Variants in DOCK6 observed in about 807,000 individuals in gnomAD.
The protein encoded by DOCK6 is dedicator of cytokinesis 6.
DOCK6 carries 167 observed loss-of-function variants against 230.3 expected under a neutral mutation model. That is an observed-to-expected ratio of 0.73 (90% CI 0.64 to 0.82). DOCK6 has a LOEUF of 0.82. Ranked by LOEUF, DOCK6 falls within the 40% of genes least tolerant of loss-of-function variation. The pLI, the probability that DOCK6 is intolerant of heterozygous loss-of-function variation, is 0.00. For synonymous variants in DOCK6, 1,148 were observed against 1,185.0 expected (o/e 0.97, Z 0.64); for missense variants, 2,598 against 2,825.8 (o/e 0.92, Z 1.83).
chr19:11,236,725 G>C lies in DOCK6; in HGVS notation c.2160+68C>G. On this transcript the variant is annotated intron_variant, in intron 19 of 47. Coordinates refer to ENST00000294618, the MANE Select transcript of DOCK6 (RefSeq NM_020812.4). This position sits in a 1 kb window ranked among gnomAD's most constrained non-coding sequence, Gnocchi z 5.2. ...CAGACCTCCCCGGCCATCGGCAACTGTTACTCAATCGTAGGGCAGGCAAGA... is the reference window on the plus strand; with the variant it reads ...CAGACCTCCCCGGCCATCGGCAACTCTTACTCAATCGTAGGGCAGGCAAGA... The C allele has an allele frequency of 1.3e-6, 2 of 1,538,968 alleles. No homozygotes were observed. The highest frequency in any genetic ancestry group is 4.9e-5 in the East Asian group (2 of 40,686).
rs377433826 is a variant in DOCK6, at chr19:11,252,568, C to G, written c.309-18G>C. On this transcript the variant is annotated intron_variant, in intron 3 of 47. Coordinates refer to ENST00000294618, the MANE Select transcript of DOCK6 (RefSeq NM_020812.4). ...CCAGTTTTCTGCAGCAAAAGAAGAT[C>G]AGGGTAAACAGAGACAAGGCCTCTG... 9 of 1,613,746 alleles carry G rather than the reference C, an allele frequency of 5.6e-6. No homozygotes were observed. The African/African-American group carries it at 1.2e-4, about 22-fold the overall frequency.
chr19:11,216,851 G>T, intron 30 of DOCK6, 63 bp downstream of exon 30: 1 of 1,556,154 alleles, frequency 6.4e-7, no homozygotes, highest in Non-Finnish European at 8.9e-7. Flanking sequence ...CCCGCAGCAC[G>T]CTGGGTCCCT....
chr19:11,253,948 G>C, intron 1 of DOCK6: 1 of 451,154 alleles, frequency 2.2e-6, no homozygotes, highest in Non-Finnish European at 3.9e-6. Flanking sequence ...CACCAGTGGG[G>C]TCTGAAGCCA....
chr19:11,227,947 G>A (rs1361140444), intron 23 of DOCK6, among the ~76,000 whole-genome samples: 1 of 151,980 alleles, frequency 6.6e-6, no homozygotes, highest in African/African-American at 2.4e-5. Flanking sequence ...CTGGGAAGGA[G>A]GCTTCAAATA....
In DOCK6 at chr19:11,217,306, G is replaced by A. The variant is rs1369840040; in HGVS notation, c.3636C>T (p.Pro1212=). 3 of 1,613,228 alleles carry A rather than the reference G, an allele frequency of 1.9e-6. No homozygotes were observed. Among genetic ancestry groups the A allele is most frequent in the Non-Finnish European group, 1.7e-6 (2 of 1,179,738 alleles). Residue 1212 remains proline, a synonymous_variant, in exon 29 of 48, where the codon CCC becomes CCT. Coordinates refer to ENST00000294618, the MANE Select transcript of DOCK6 (RefSeq NM_020812.4). Reference sequence around the variant, plus strand: ...CACCAGCAATGGCCATGGCCACAGAGGGGTTGATGGTACCCGCAATGTCCC... The same window carrying A: ...CACCAGCAATGGCCATGGCCACAGAAGGGTTGATGGTACCCGCAATGTCCC... ...GEGDIAGTIN[P]SVAMAIAGGP... is the part of the protein sequence containing the mutation.
chr19:11,213,348 C>A lies in DOCK6; in HGVS notation c.4339-20G>T, dbSNP rs1014962495. The A allele has an allele frequency of 1.2e-6, 2 of 1,605,464 alleles. No homozygotes were observed. The highest frequency in any genetic ancestry group is 2.7e-5 in the African/African-American group (2 of 74,762). ...CGGGAACTGCCCCCAAGGACCCAGA[C>A]AGACACTGTCCAGCCCCTCCCCGTT... On this transcript the variant is annotated intron_variant, in intron 34 of 47. Transcript: ENST00000294618.
At position 11,223,053 on chromosome 19, in the gene DOCK6, G is replaced by GT. The variant is rs1219638827; in HGVS notation, c.3008dup (p.Asp1003GlufsTer31). ...AGCCCCGGTCCACCAGGGACAGAAGGTCACTGAGGAAGAAAGCCAGGCTGG... is the reference window on the plus strand; with the variant it reads ...AGCCCCGGTCCACCAGGGACAGAAGGTTCACTGAGGAAGAAAGCCAGGCTGG... On this transcript the variant is annotated frameshift_variant, in exon 25 of 48. Coordinates refer to ENST00000294618, the MANE Select transcript of DOCK6 (RefSeq NM_020812.4). LOFTEE classifies it high-confidence loss of function. The GT allele has an allele frequency of 6.2e-7, 1 of 1,613,782 alleles. No homozygotes were observed. The highest frequency in any genetic ancestry group is 8.5e-7 in the Non-Finnish European group (1 of 1,179,870).
rs768456287 is a variant in DOCK6 at position 11,233,230 on chromosome 19, G to A, written c.2691C>T (p.Asp897=). The A allele has an allele frequency of 1.5e-5, 25 of 1,613,566 alleles. No individual in the cohort carries two copies. The highest frequency in any genetic ancestry group is 9.9e-5 in the South Asian group (9 of 91,064). Residue 897 remains aspartate (D), a synonymous_variant, in exon 22 of 48, where the codon GAC becomes GAT. Transcript: ENST00000294618. ...DLAVAPGSVD[D]EVSRILASKL... ...TGCTGGCCAGGATGCGGGAAACCTC[G>A]TCATCCACAGAGCCAGGGGCCACGG...
Position 11,200,881 on chromosome 19 carries a change from G to T in DOCK6, c.5832+28C>A. The stretch of plus-strand genomic sequence containing the variant: ...CATGGCACCTGGAGTCCCCCGTGCG[G>T]CTTGCATCCCCCTTCCACCAGCCGT... On this transcript the variant is annotated intron_variant, in intron 45 of 47. Transcript: ENST00000294618. This position sits in a 1 kb window ranked among gnomAD's most constrained non-coding sequence, Gnocchi z 4.3. 6.2e-7 allele frequency: 1 copy of T among 1,613,806 alleles called. No individual in the cohort carries two copies. Among genetic ancestry groups the T allele is most frequent in the Non-Finnish European group, 8.5e-7 (1 of 1,179,834 alleles).
chr19:11,216,944 C>T lies in DOCK6; in HGVS notation c.3864G>A (p.Leu1288=), dbSNP rs2079498594. Residue 1288 remains leucine (L), a synonymous_variant, in exon 30 of 48, where the codon CTG becomes CTA. Coordinates refer to ENST00000294618, the MANE Select transcript of DOCK6 (RefSeq NM_020812.4). ...LPQLGRLLDL[L]YLCLAAFEYK... is the part of the protein sequence containing the mutation. ...ACTCAAAGGCAGCTAGGCAAAGGTA[C>T]AGCAAATCCAACAGACGTCCCAGCT... The T allele has an allele frequency of 1.9e-6, 3 of 1,613,626 alleles. No homozygotes were observed. In the Admixed American group the frequency reaches 5.0e-5, roughly 27 times the overall value.
intron 39 of DOCK6, among the ~76,000 whole-genome samples, chr19:11,205,548 T>C (rs1318373073): frequency 1.3e-5 from 2 of 152,202 alleles, no homozygotes; most frequent in Non-Finnish European, 2.9e-5. Flanking sequence ...TTTCACCATA[T>C]TGGCCAGGCT....
intron 21 of DOCK6, among the ~76,000 whole-genome samples, chr19:11,235,378 G>C (rs2079829554): frequency 6.6e-6 from 1 of 152,102 alleles, no homozygotes; most frequent in African/African-American, 2.4e-5. Context: ...CTAAAGTGCT[G>C]GGATTATAGG....
intron 24 of DOCK6, among the ~76,000 whole-genome samples, chr19:11,226,706 T>G (rs774521334): frequency 6.6e-6 from 1 of 152,186 alleles, no homozygotes; most frequent in Non-Finnish European, 1.5e-5. Flanking sequence ...ATAAAATGCT[T>G]AGATATACAG....
chr19:11,205,333 C>T (rs536242381), intron 39 of DOCK6, among the ~76,000 whole-genome samples: 4 of 152,154 alleles, frequency 2.6e-5, no homozygotes, highest in Admixed American at 1.3e-4. Context: ...TTAGATACTT[C>T]TTCTAATGCT....
In DOCK6 at chr19:11,243,034, C is replaced by T. The variant is rs2079970865; in HGVS notation, c.1480+25G>A. ...GAGTGGCTGAGTGAGAGTGATACTTCTTGTGTATGGGGTGTGCCACGCACC... is the reference window on the plus strand; with the variant it reads ...GAGTGGCTGAGTGAGAGTGATACTTTTTGTGTATGGGGTGTGCCACGCACC... On this transcript the variant is annotated intron_variant, in intron 13 of 47. Transcript: ENST00000294618. The surrounding 1 kb of genome is among the most constrained non-coding windows in gnomAD (Gnocchi z 6.3). The T allele has an allele frequency of 2.5e-6, 4 of 1,613,114 alleles. No homozygotes were observed. The East Asian group carries it at 8.9e-5, about 36-fold the overall frequency.
At position 11,199,553 on chromosome 19, in the gene DOCK6, G is replaced by A. The variant is rs1200887335; in HGVS notation, c.6102-14C>T. Reference sequence around the variant, plus strand: ...TTCAAGGAGTTCCTGGAAAAAGAATGAGGGTGGGTCAGCATGGCCATGGGG... The same window carrying A: ...TTCAAGGAGTTCCTGGAAAAAGAATAAGGGTGGGTCAGCATGGCCATGGGG... On this transcript the variant is annotated splice_polypyrimidine_tract_variant and intron_variant, in intron 47 of 47. Coordinates refer to ENST00000294618, the MANE Select transcript of DOCK6 (RefSeq NM_020812.4). The A allele has an allele frequency of 4.5e-6, 7 of 1,572,296 alleles. No homozygotes were observed. Among genetic ancestry groups the A allele is most frequent in the East Asian group, 2.3e-5 (1 of 42,778 alleles).
chr19:11,202,112 A>T lies in DOCK6; in HGVS notation c.5465T>A (p.Ile1822Asn), dbSNP rs2079179590. Residue 1822 changes from isoleucine to asparagine, a missense_variant, in exon 44 of 48, where the codon ATC becomes AAC. By Grantham distance (149) the Ile-to-Asn change is moderately radical. Coordinates refer to ENST00000294618, the MANE Select transcript of DOCK6 (RefSeq NM_020812.4). This position sits in a 1 kb window ranked among gnomAD's most constrained non-coding sequence, Gnocchi z 5.3. ...ATCAAAGTACGGTTCCACATACGTG[A>T]TCTGGATGTAGGCCTGGGCGCAGGG... ...KLDSQKAYIQ[I>N]TYVEPYFDTY... 6.2e-7 allele frequency: 1 copy of T among 1,613,902 alleles called. No individual in the cohort carries two copies. Among genetic ancestry groups the T allele is most frequent in the Non-Finnish European group, 8.5e-7 (1 of 1,179,856 alleles).
Position 11,201,851 on chromosome 19 carries a change from A to ACCCCC in DOCK6, c.5688+37_5688+38insGGGGG. The ACCCCC allele has an allele frequency of 7.8e-7, 1 of 1,275,890 alleles. No individual in the cohort carries two copies. The highest frequency in any genetic ancestry group is 1.5e-5 in the South Asian group (1 of 66,444). 79.0% of individuals were successfully genotyped at this position (1,275,890 alleles called of 1,614,324 possible). A position where few individuals can be genotyped will look rare whatever the true frequency, so the allele number is the denominator to read the frequency against. On this transcript the variant is annotated intron_variant, in intron 44 of 47. Coordinates refer to ENST00000294618, the MANE Select transcript of DOCK6 (RefSeq NM_020812.4). The surrounding 1 kb of genome is among the most constrained non-coding windows in gnomAD (Gnocchi z 4.3). ...CCCTCCCAGGGTCTGATGTCCCCTC[A>ACCCCC]CCTCCCCACCCCCGCCAGGCCCAGG...
At chr19:11,218,482 CTG>C (rs2079529079) in intron 28 of DOCK6, among the ~76,000 whole-genome samples, 1 of 152,058 alleles carries the variant, frequency 6.6e-6, no homozygotes, top group Non-Finnish European at 1.5e-5. Context: ...GGATCTCACT[CTG>C]TCACCCAGGC....
Sources: allele counts gnomAD v4.1 joint callset (sites outside exome capture counted in the v4.1 genomes callset), GRCh38; gene constraint gnomAD v4.1.1; non-coding constraint Gnocchi (gnomAD v3.1); transcripts MANE v1.5; gene names NCBI Gene and HGNC (gene_info 2026-07-23, HGNC 2026-07-21).